Variants in CNTNAP2 observed in about 807,000 individuals in gnomAD.
The protein encoded by CNTNAP2 is contactin-associated protein-like 2.
Under a neutral mutation model 155.2 loss-of-function variants are expected in CNTNAP2, and 98 were observed. The observed-to-expected ratio is 0.63, with a 90% confidence interval of 0.54 to 0.75. The LOEUF (loss-of-function observed/expected upper bound fraction) is 0.75, where lower values mean the gene tolerates loss of function less well. CNTNAP2 is among the 30% of genes least tolerant of loss of function. The pLI, the probability that CNTNAP2 is intolerant of heterozygous loss-of-function variation, is 0.00. For synonymous variants in CNTNAP2, 651 were observed against 631.2 expected (o/e 1.03, Z -0.47); for missense variants, 1,727 against 1,688.1 (o/e 1.02, Z -0.40).
intron 15 of CNTNAP2, among the ~76,000 whole-genome samples, chr7:148,060,697 G>C (rs569305670): frequency 6.6e-6 from 1 of 152,142 alleles, no homozygotes; most frequent in Non-Finnish European, 1.5e-5. Flanking sequence ...TCACTTCCAT[G>C]TGTTCAATAT....
intron 13 of CNTNAP2, among the ~76,000 whole-genome samples, chr7:147,897,953 A>T (rs1190043656): frequency 6.6e-6 from 1 of 152,236 alleles, no homozygotes; most frequent in Non-Finnish European, 1.5e-5. Flanking sequence ...GCACAGGTGG[A>T]CAGAAGACAC....
At chr7:147,060,601 C>T (rs1387957321) in intron 4 of CNTNAP2, among the ~76,000 whole-genome samples, 2 of 151,930 alleles carry the variant, frequency 1.3e-5, no homozygotes, top group African/African-American at 4.8e-5. Context: ...CGGTGGCTCA[C>T]GCCTGTAATC....
intron 21 of CNTNAP2, among the ~76,000 whole-genome samples, chr7:148,280,201 G>A (rs762471104): frequency 3.3e-5 from 5 of 152,130 alleles, no homozygotes; most frequent in East Asian, 3.9e-4. Context: ...CCAGCTACTC[G>A]GGAGGCTGAG....
chr7:147,087,022 T>A (rs1474169775), intron 4 of CNTNAP2, among the ~76,000 whole-genome samples: 1 of 152,170 alleles, frequency 6.6e-6, no homozygotes, highest in Non-Finnish European at 1.5e-5. Context: ...CACTGGTAAG[T>A]GTAACTGTAT....
intron 15 of CNTNAP2, among the ~76,000 whole-genome samples, chr7:148,000,009 T>C (rs1007441503): frequency 1.3e-5 from 2 of 152,186 alleles, no homozygotes; most frequent in African/African-American, 4.8e-5. Flanking sequence ...TAAAGTAGCC[T>C]GAGGAGCCTA....
chr7:146,914,201 CTGGT>C (rs1562999717), intron 3 of CNTNAP2, among the ~76,000 whole-genome samples: 5 of 151,836 alleles, frequency 3.3e-5, no homozygotes. Flanking sequence ...CACTCTTTGA[CTGGT>C]GGGCATTTGG....
chr7:147,677,651 G>A (rs1795890159), intron 13 of CNTNAP2, among the ~76,000 whole-genome samples: 1 of 151,624 alleles, frequency 6.6e-6, no homozygotes, highest in South Asian at 2.1e-4. Context: ...ACAGTTTGGG[G>A]TCTTATATTT....
At chr7:146,906,447 G>A (rs1335702210) in intron 3 of CNTNAP2, among the ~76,000 whole-genome samples, 1 of 152,110 alleles carries the variant, frequency 6.6e-6, no homozygotes, top group African/African-American at 2.4e-5. Flanking sequence ...GCACGCAGCT[G>A]GAGATCTGAA....
At chr7:147,816,170 C>T (rs1258398055) in intron 13 of CNTNAP2, among the ~76,000 whole-genome samples, 1 of 151,920 alleles carries the variant, frequency 6.6e-6, no homozygotes, top group Admixed American at 6.6e-5. Flanking sequence ...TTCATCCTCT[C>T]CATTTTCTTA....
chr7:146,535,161 T>TATATTATATCATATATAATATATATG (rs1797834862), intron 1 of CNTNAP2, among the ~76,000 whole-genome samples: 1 of 3,772 alleles, frequency 2.7e-4, no homozygotes, highest in Non-Finnish European at 3.8e-4. Flanking sequence ...TATAATATAT[T>TATATTATATCATATATAATATATATG]ATATTATATC....
At chr7:147,501,864 A>T (rs1259512600) in intron 11 of CNTNAP2, among the ~76,000 whole-genome samples, 2 of 152,230 alleles carry the variant, frequency 1.3e-5, no homozygotes, top group Non-Finnish European at 2.9e-5. Flanking sequence ...TTAACAAGCA[A>T]ATTCAGTAAA....
chr7:146,287,401 A>G (rs182671240), intron 1 of CNTNAP2, among the ~76,000 whole-genome samples: 10 of 152,324 alleles, frequency 6.6e-5, no homozygotes, highest in Non-Finnish European at 1.0e-4. Flanking sequence ...TGAGAGGCAG[A>G]TAAGCCTTCT....
intron 11 of CNTNAP2, among the ~76,000 whole-genome samples, chr7:147,555,923 T>C (rs1406098581): frequency 6.6e-6 from 1 of 152,272 alleles, no homozygotes; most frequent in African/African-American, 2.4e-5. Flanking sequence ...TAATCGATGC[T>C]TTATTTCCCA....
intron 1 of CNTNAP2, among the ~76,000 whole-genome samples, chr7:146,714,714 A>G (rs1801157359): frequency 6.6e-6 from 1 of 152,224 alleles, no homozygotes; most frequent in Admixed American, 6.5e-5. Context: ...AAAATGGGTT[A>G]TTTCTAGAGA....
At chr7:146,493,156 T>G (rs1797164479) in intron 1 of CNTNAP2, among the ~76,000 whole-genome samples, 2 of 152,212 alleles carry the variant, frequency 1.3e-5, no homozygotes, top group Non-Finnish European at 2.9e-5. Flanking sequence ...TGACATTTTC[T>G]TTTTATTTAT....
intron 10 of CNTNAP2, among the ~76,000 whole-genome samples, chr7:147,464,203 C>T (rs1798072769): frequency 6.6e-6 from 1 of 151,998 alleles, no homozygotes; most frequent in Admixed American, 6.6e-5. Flanking sequence ...TGTGGTGGCT[C>T]ACACTTGTAA....
chr7:146,548,798 G>GT (rs71165013), intron 1 of CNTNAP2, among the ~76,000 whole-genome samples: 86,542 of 123,542 alleles, frequency 0.7, 30,813 homozygotes, highest in South Asian at 0.84. Context: ...CATTCTCTAG[G>GT]TTTTTTTTTT....
intron 15 of CNTNAP2, among the ~76,000 whole-genome samples, chr7:148,012,137 C>T (rs561280050): frequency 1.1e-3 from 166 of 152,220 alleles, no homozygotes; most frequent in Non-Finnish European, 1.6e-3. Flanking sequence ...AGGCTGGCCT[C>T]AAACTCCTGG....
chr7:146,736,110 T>C (rs1007279893), intron 1 of CNTNAP2, among the ~76,000 whole-genome samples: 1 of 152,186 alleles, frequency 6.6e-6, no homozygotes, highest in Non-Finnish European at 1.5e-5. Context: ...CAATTATTCA[T>C]ATGGCATGTA....
Sources: gnomAD v4.1 joint callset for allele counts (sites outside exome capture counted in the v4.1 genomes callset) on GRCh38, gnomAD v4.1.1 for gene constraint, MANE v1.5 for transcripts, NCBI Gene and HGNC (gene_info 2026-07-23, HGNC 2026-07-21) for gene names.